MIS18A: variants seen among roughly 807,000 people sequenced by gnomAD.
MIS18A encodes MIS18 kinetochore protein A, also known as protein Mis18-alpha.
MIS18A carries 14 observed loss-of-function variants against 25.0 expected under a neutral mutation model. That is an observed-to-expected ratio of 0.56 (90% CI 0.37 to 0.88). The LOEUF is 0.88. MIS18A is among the 40% of genes least tolerant of loss of function. The probability of loss-of-function intolerance (pLI) is 0.00; values close to 1 mark genes in which losing one functional copy is unlikely to be tolerated. For missense variants in MIS18A, 292 were observed against 290.8 expected, an observed-to-expected ratio of 1.00 and a Z score of -0.03; for synonymous variants, 134 against 118.6, an observed-to-expected ratio of 1.13 and a Z score of -0.84.
In MIS18A at chr21:32,274,916, C is replaced by A. The variant is rs776775699; in HGVS notation, c.335-20G>T. 3.5e-5 allele frequency: 56 copies of A among 1,590,100 alleles called. No individual in the cohort carries two copies. The highest frequency in any genetic ancestry group is 4.3e-5 in the Non-Finnish European group (50 of 1,160,868). On this transcript the variant is annotated intron_variant, in intron 1 of 4. Coordinates refer to ENST00000290130, the MANE Select transcript of MIS18A (RefSeq NM_018944.3). ...AAACACCTAGAAACAGAGAAAGTAA[C>A]AATAATTTATTAATGTAGTTCGTTA...
the MIS18A span, among the ~76,000 whole-genome samples, chr21:32,207,098 A>G: frequency 6.6e-6 from 1 of 152,248 alleles, no homozygotes; most frequent in Non-Finnish European, 1.5e-5. Context: ...GCTGTAATGT[A>G]ATGACACATT....
the MIS18A span, among the ~76,000 whole-genome samples, chr21:32,181,167 C>T: frequency 1.3e-5 from 2 of 152,126 alleles, no homozygotes; most frequent in African/African-American, 2.4e-5. Context: ...ATTAATTCTG[C>T]CTGACTGCCT....
chr21:32,166,717 T>C, the MIS18A span, among the ~76,000 whole-genome samples: 6 of 152,302 alleles, frequency 3.9e-5, no homozygotes, highest in East Asian at 1.9e-4. Flanking sequence ...AGAAAAGATA[T>C]AGCTTTCTTA....
the MIS18A span, among the ~76,000 whole-genome samples, chr21:32,203,750 G>A: frequency 1.3e-5 from 2 of 149,028 alleles, no homozygotes; most frequent in Non-Finnish European, 2.9e-5. Flanking sequence ...CTGAGTAGCT[G>A]GGACTACAGG....
At chr21:32,193,947 T>A in the MIS18A span, among the ~76,000 whole-genome samples, 2 of 152,124 alleles carry the variant, frequency 1.3e-5, no homozygotes, top group Non-Finnish European at 2.9e-5. Flanking sequence ...GTTTAGAACA[T>A]CCCTCACCTG....
At chr21:32,216,186 GA>G in the MIS18A span, among the ~76,000 whole-genome samples, 1 of 152,164 alleles carries the variant, frequency 6.6e-6, no homozygotes, top group Non-Finnish European at 1.5e-5. Flanking sequence ...TAAAAAAATA[GA>G]AAGCTTTGTG....
At chr21:32,199,570 G>C in the MIS18A span, among the ~76,000 whole-genome samples, 30 of 152,172 alleles carry the variant, frequency 2.0e-4, no homozygotes, top group Non-Finnish European at 4.0e-4. Context: ...CACTTTGAGA[G>C]GGGGAGGCAG....
At chr21:32,173,616 G>T in the MIS18A span, among the ~76,000 whole-genome samples, 1 of 152,212 alleles carries the variant, frequency 6.6e-6, no homozygotes, top group Non-Finnish European at 1.5e-5. Flanking sequence ...GCAGTAAAAT[G>T]AAGTACTGAT....
At chr21:32,188,772 T>C in the MIS18A span, among the ~76,000 whole-genome samples, 4 of 152,108 alleles carry the variant, frequency 2.6e-5, no homozygotes, top group Admixed American at 6.5e-5. Flanking sequence ...GCATCTCCTG[T>C]AGCCTGAGAT....
chr21:32,184,470 AT>A, the MIS18A span, among the ~76,000 whole-genome samples: 2 of 152,144 alleles, frequency 1.3e-5, no homozygotes, highest in African/African-American at 4.8e-5. Context: ...GCCATTTGAA[AT>A]TTTTTCACAA....
the MIS18A span, among the ~76,000 whole-genome samples, chr21:32,224,683 C>T: frequency 1.1e-3 from 145 of 133,902 alleles, 1 homozygote; most frequent in Non-Finnish European, 1.8e-3. Flanking sequence ...GAATCAATAT[C>T]GTGAAAATGG....
At chr21:32,213,294 G>T in the MIS18A span, among the ~76,000 whole-genome samples, 2 of 152,118 alleles carry the variant, frequency 1.3e-5, no homozygotes, top group Non-Finnish European at 2.9e-5. Context: ...TTGTATGAAT[G>T]ACAACACATA....
At chr21:32,221,670 G>A in the MIS18A span, among the ~76,000 whole-genome samples, 1 of 149,594 alleles carries the variant, frequency 6.7e-6, no homozygotes, top group Non-Finnish European at 1.5e-5. Context: ...ACGAGGTCAG[G>A]AGTTCAAGAC....
At chr21:32,236,845 T>A in the MIS18A span, among the ~76,000 whole-genome samples, 4 of 152,120 alleles carry the variant, frequency 2.6e-5, no homozygotes, top group Non-Finnish European at 5.9e-5. Context: ...AATGGACTGT[T>A]CTATTGCTAT....
the MIS18A span, among the ~76,000 whole-genome samples, chr21:32,195,578 C>T: frequency 6.6e-6 from 1 of 152,176 alleles, no homozygotes; most frequent in African/African-American, 2.4e-5. Flanking sequence ...AATCAGGGTC[C>T]TTTCTGGAAC....
the MIS18A span, among the ~76,000 whole-genome samples, chr21:32,179,638 T>G: frequency 6.6e-6 from 1 of 152,236 alleles, no homozygotes; most frequent in Non-Finnish European, 1.5e-5. Flanking sequence ...TTTATCAGTG[T>G]TTTAGCTGCT....
chr21:32,266,753 C>T (rs1569012151), downstream of MIS18A, among the ~76,000 whole-genome samples: 1 of 152,032 alleles, frequency 6.6e-6, no homozygotes, highest in Non-Finnish European at 1.5e-5. Flanking sequence ...ACACTCACTG[C>T]GAGAGTCCGC....
chr21:32,258,753 C>T, the MIS18A span, among the ~76,000 whole-genome samples: 1 of 152,148 alleles, frequency 6.6e-6, no homozygotes, highest in Admixed American at 6.5e-5. Context: ...CACACTTGAA[C>T]GTGCCTGGGG....
the MIS18A span, among the ~76,000 whole-genome samples, chr21:32,249,032 G>T: frequency 6.6e-6 from 1 of 152,118 alleles, no homozygotes; most frequent in Non-Finnish European, 1.5e-5. Flanking sequence ...TGTTGCTTTG[G>T]AAAGGCCCCA....
Sources: allele counts gnomAD v4.1 joint callset (sites outside exome capture counted in the v4.1 genomes callset), GRCh38; gene constraint gnomAD v4.1.1; transcripts MANE v1.5; gene names NCBI Gene and HGNC (gene_info 2026-07-23, HGNC 2026-07-21).